PLCE1: variants seen among roughly 807,000 people sequenced by gnomAD.
PLCE1 encodes the protein phospholipase C epsilon 1, also known as 1-phosphatidylinositol 4,5-bisphosphate phosphodiesterase epsilon-1.
In PLCE1, 119 loss-of-function variants were observed where a neutral mutation model predicts 242.8. The ratio of observed to expected loss-of-function variants is 0.49; its 90% CI spans 0.42 to 0.57. The LOEUF (loss-of-function observed/expected upper bound fraction) is 0.57, where lower values mean the gene tolerates loss of function less well. Among genes scored for constraint, PLCE1 ranks in the 20% least tolerant of loss-of-function variants. The pLI, the probability that PLCE1 is intolerant of heterozygous loss-of-function variation, is 0.00. For synonymous variants in PLCE1, 945 were observed against 1,017.4 expected, an observed-to-expected ratio of 0.93 and a Z score of 1.35; for missense variants, 2,441 against 2,788.8, an observed-to-expected ratio of 0.88 and a Z score of 2.81.
chr10:94,269,863 C>T (rs1172152837), intron 17 of PLCE1, among the ~76,000 whole-genome samples: 2 of 152,156 alleles, frequency 1.3e-5, no homozygotes, highest in African/African-American at 4.8e-5. Flanking sequence ...TTGAGTTATG[C>T]AATTACTACC....
chr10:94,259,576 C>A (rs1055829117), intron 13 of PLCE1, among the ~76,000 whole-genome samples: 3 of 152,194 alleles, frequency 2.0e-5, no homozygotes, highest in African/African-American at 4.8e-5. Context: ...AGCCACCTCA[C>A]CTGGCCAACA....
intron 2 of PLCE1, among the ~76,000 whole-genome samples, chr10:94,043,874 A>G (rs1325269563): frequency 6.6e-6 from 1 of 152,210 alleles, no homozygotes; most frequent in Non-Finnish European, 1.5e-5. Flanking sequence ...TATTTTCCAA[A>G]CAAAAAATTG....
At chr10:94,086,581 G>A (rs536888045) in intron 2 of PLCE1, among the ~76,000 whole-genome samples, 21 of 152,294 alleles carry the variant, frequency 1.4e-4, no homozygotes, top group Middle Eastern at 6.8e-3. Context: ...CTAGGGTGGG[G>A]GTCTTGGAGG....
chr10:94,111,868 G>A (rs1044246497), intron 2 of PLCE1, among the ~76,000 whole-genome samples: 5 of 152,110 alleles, frequency 3.3e-5, no homozygotes, highest in Non-Finnish European at 7.3e-5. Context: ...TTGTAGTGCC[G>A]CCGAAGGTTT....
intron 3 of PLCE1, among the ~76,000 whole-genome samples, chr10:94,159,007 T>C (rs568754418): frequency 6.8e-6 from 1 of 147,576 alleles, no homozygotes; most frequent in African/African-American, 2.4e-5. Context: ...TATACTTCTT[T>C]ATATTTTCCA....
rs1264734038 is a variant in PLCE1, at chr10:94,331,200, A to G, written c.*3257A>G. 1 of 152,190 alleles carries G rather than the reference A, an allele frequency of 6.6e-6. No individual in the cohort carries two copies. The highest frequency in any genetic ancestry group is 6.5e-5 in the Admixed American group (1 of 15,280). The allele number at this position is 152,190 out of a possible 1,614,324, so 9.4% of individuals were successfully genotyped here. A position where few individuals can be genotyped will look rare whatever the true frequency, so the allele number is the denominator to read the frequency against. On this transcript the variant is annotated 3_prime_UTR_variant, in exon 33 of 33. Coordinates refer to ENST00000371380, the MANE Select transcript of PLCE1 (RefSeq NM_016341.4). ...TTGAGTTACAAGTGACTTGTTTTTAATCAAACTTGCTTTCTTTTATGGGAG... is the reference window on the plus strand; with the variant it reads ...TTGAGTTACAAGTGACTTGTTTTTAGTCAAACTTGCTTTCTTTTATGGGAG...
chr10:94,153,447 A>C (rs1282300278), intron 3 of PLCE1, among the ~76,000 whole-genome samples: 1 of 152,208 alleles, frequency 6.6e-6, no homozygotes. Flanking sequence ...ATCTATGCAA[A>C]ACCCACAGCT....
chr10:94,095,155 GC>G (rs938065802), intron 2 of PLCE1, among the ~76,000 whole-genome samples: 15 of 151,972 alleles, frequency 9.9e-5, no homozygotes, highest in African/African-American at 3.6e-4. Context: ...CTGTATTTCT[GC>G]CAGCAAAGAC....
Position 94,185,346 on chromosome 10 carries a change from A to G in PLCE1, c.1809+13850A>G, listed in dbSNP as rs1334666904. On this transcript the variant is annotated intron_variant, in intron 4 of 32. Transcript: ENST00000371380. ...CCTGTCTCTACTAAAAGTACAAAAAATTAGCCAGGCATGGTAGTGTGTGCC... is the reference window on the plus strand; with the variant it reads ...CCTGTCTCTACTAAAAGTACAAAAAGTTAGCCAGGCATGGTAGTGTGTGCC... 1.8e-4 allele frequency among the ~76,000 whole-genome samples: 27 copies of G among 152,202 alleles called. 1 individual carries two copies. The highest frequency in any genetic ancestry group is 4.4e-5 in the Non-Finnish European group (3 of 68,042).
At chr10:94,163,749 C>T (rs959698684) in intron 3 of PLCE1, among the ~76,000 whole-genome samples, 3 of 152,142 alleles carry the variant, frequency 2.0e-5, no homozygotes, top group Admixed American at 6.5e-5. Flanking sequence ...TTCTTCCTAG[C>T]CGTGATGGTC....
At chr10:94,296,011 C>T (rs1256218791) in intron 23 of PLCE1, among the ~76,000 whole-genome samples, 1 of 152,170 alleles carries the variant, frequency 6.6e-6, no homozygotes, top group Admixed American at 6.5e-5. Flanking sequence ...TCTTCTCTAG[C>T]TATGAAAGTC....
At chr10:94,309,702 G>A (rs1469201389) in intron 27 of PLCE1, among the ~76,000 whole-genome samples, 2 of 152,132 alleles carry the variant, frequency 1.3e-5, no homozygotes, top group East Asian at 3.9e-4. Flanking sequence ...GAGGACACTT[G>A]GACCATGGCC....
At chr10:94,327,002 TACA>T (rs1012687809) in intron 32 of PLCE1, among the ~76,000 whole-genome samples, 6 of 150,466 alleles carry the variant, frequency 4.0e-5, no homozygotes, top group Admixed American at 6.6e-5. Flanking sequence ...CTACTAAAAA[TACA>T]ACAACAGTTA....
intron 2 of PLCE1, among the ~76,000 whole-genome samples, chr10:94,123,005 C>T (rs1012301241): frequency 3.9e-5 from 6 of 151,978 alleles, no homozygotes; most frequent in African/African-American, 1.4e-4. Context: ...GCATGCTAAG[C>T]AGTGCCCTGT....
At chr10:94,111,336 C>T (rs2045948361) in intron 2 of PLCE1, among the ~76,000 whole-genome samples, 2 of 152,134 alleles carry the variant, frequency 1.3e-5, no homozygotes, top group South Asian at 4.1e-4. Context: ...ACGAGGCTCA[C>T]TAGGACTGAG....
At chr10:94,005,054 G>A (rs1244084702) in intron 1 of PLCE1, among the ~76,000 whole-genome samples, 1 of 152,210 alleles carries the variant, frequency 6.6e-6, no homozygotes, top group Non-Finnish European at 1.5e-5. Context: ...AGAGACTTCT[G>A]TTGCTGTTAC....
intron 30 of PLCE1, 151 bp from the exon 31 acceptor site, chr10:94,324,198 T>C: frequency 1.3e-6 from 1 of 743,982 alleles, no homozygotes; most frequent in Non-Finnish European, 2.4e-6. Flanking sequence ...GCTACAACTA[T>C]ACAACTGCAA....
intron 23 of PLCE1, among the ~76,000 whole-genome samples, chr10:94,297,584 A>C (rs2052876150): frequency 8.7e-6 from 1 of 115,018 alleles, no homozygotes. Flanking sequence ...CCAAACTTTA[A>C]ATTTGTAAAA....
chr10:94,321,834 C>A, intron 29 of PLCE1, 67 bp from the exon 30 acceptor site: 1 of 1,226,824 alleles, frequency 8.2e-7, no homozygotes, highest in Non-Finnish European at 1.2e-6. Flanking sequence ...CAGATTTTTG[C>A]TAGATTTGTC....
Sources: gnomAD v4.1 joint callset for allele counts (sites outside exome capture counted in the v4.1 genomes callset) on GRCh38, gnomAD v4.1.1 for gene constraint, MANE v1.5 for transcripts, NCBI Gene and HGNC (gene_info 2026-07-23, HGNC 2026-07-21) for gene names.